Variants in SMC3 observed in about 807,000 individuals in gnomAD.
SMC3 encodes the protein structural maintenance of chromosomes 3.
SMC3 carries 20 observed loss-of-function variants against 171.8 expected under a neutral mutation model. The observed-to-expected ratio is 0.12, with a 90% CI of 0.08 to 0.17. The LOEUF (loss-of-function observed/expected upper bound fraction) is 0.17. Ranked by LOEUF, SMC3 falls within the 10% of genes least tolerant of loss-of-function variation. The pLI, the probability that SMC3 is intolerant of heterozygous loss-of-function variation, is 1.00. For synonymous variants in SMC3, 464 were observed against 451.1 expected (o/e 1.03, Z -0.36); for missense variants, 543 against 1,420.4 (o/e 0.38, Z 9.93).
chr10:110,573,756 CT>C lies in SMC3; in HGVS notation c.130+16del. ...GTAACTTTTTTTATGGTAGGTGTTG[CT>C]TTTTGAATTGTAAATATATTAAGAC... On this transcript the variant is annotated intron_variant, in intron 3 of 28. Coordinates refer to ENST00000361804, the MANE Select transcript of SMC3 (RefSeq NM_005445.4). 6.4e-7 allele frequency: 1 copy of C among 1,564,224 alleles called. No individual in the cohort carries two copies. Among genetic ancestry groups the C allele is most frequent in the Non-Finnish European group, 8.8e-7 (1 of 1,135,604 alleles).
intron 25 of SMC3, 106 bp downstream of exon 25, chr10:110,602,284 CT>C: frequency 9.1e-7 from 1 of 1,096,584 alleles, no homozygotes; most frequent in Non-Finnish European, 1.4e-6. Flanking sequence ...CCAGGTGAAT[CT>C]AATACATGTG....
chr10:110,577,875 C>T lies in SMC3; in HGVS notation c.311C>T (p.Ala104Val). 6.2e-7 allele frequency: 1 copy of T among 1,612,770 alleles called. No individual in the cohort carries two copies. Among genetic ancestry groups the T allele is most frequent in the Non-Finnish European group, 8.5e-7 (1 of 1,179,102 alleles). ...EEVSLRRVIG[A>V]KKDQYFLDKK... ...GTTTCACTTCGAAGAGTTATTGGTG[C>T]CAAAAAGGATCAGTATTTCTTAGAC... Residue 104 changes from alanine (A) to valine (V), a missense_variant, in exon 6 of 29, where the codon GCC becomes GTC. Around this residue, in one of 8 missense-constraint regions of SMC3, gnomAD observed 146 missense variants for 437.9 expected, o/e 0.33. Transcript: ENST00000361804.
chr10:110,578,497 TGAG>T (rs923666929), intron 6 of SMC3, 128 bp from the exon 7 acceptor site: 10 of 679,074 alleles, frequency 1.5e-5, no homozygotes, highest in Admixed American at 2.4e-5. Flanking sequence ...CAGAAAGTTC[TGAG>T]GATGATACAG....
chr10:110,580,520 T>TA (rs1253911348), intron 7 of SMC3, among the ~76,000 whole-genome samples: 3 of 152,200 alleles, frequency 2.0e-5, no homozygotes, highest in African/African-American at 7.2e-5. Context: ...AAAGGAGACA[T>TA]AGATATGTAG....
chr10:110,599,552 T>C (rs1267670033), intron 20 of SMC3, 102 bp from the exon 21 acceptor site: 19 of 997,866 alleles, frequency 1.9e-5, no homozygotes, highest in South Asian at 1.4e-4. Context: ...TGAGTTGATA[T>C]GTCTATATAT....
intron 3 of SMC3, among the ~76,000 whole-genome samples, chr10:110,574,387 G>A (rs1860916590): frequency 6.6e-6 from 1 of 152,180 alleles, no homozygotes; most frequent in Admixed American, 6.5e-5. Flanking sequence ...AAATTAGACA[G>A]TTAAGGAGTA....
chr10:110,575,142 T>C (rs1053035524), intron 3 of SMC3, among the ~76,000 whole-genome samples, 194 bp from the exon 4 acceptor site: 1 of 152,204 alleles, frequency 6.6e-6, no homozygotes, highest in African/African-American at 2.4e-5. Context: ...TCAGTATTTT[T>C]CTTATATCAT....
chr10:110,576,160 A>G, intron 4 of SMC3, among the ~76,000 whole-genome samples: 1 of 152,224 alleles, frequency 6.6e-6, no homozygotes, highest in Non-Finnish European at 1.5e-5. Flanking sequence ...CTGTTTTATA[A>G]TAAAGTGTTG....
At chr10:110,569,149 TTCTG>T in intron 2 of SMC3, 136 bp downstream of exon 2, 1 of 691,770 alleles carries the variant, frequency 1.4e-6, no homozygotes, top group Non-Finnish European at 2.6e-6. Flanking sequence ...GAAATAACTT[TTCTG>T]TCTTATTGCA....
At chr10:110,577,269 A>G in intron 4 of SMC3, 152 bp from the exon 5 acceptor site, 1 of 657,908 alleles carries the variant, frequency 1.5e-6, no homozygotes, top group South Asian at 1.8e-5. Flanking sequence ...AAGAGCAGAG[A>G]CGTTAGATTA....
intron 20 of SMC3, among the ~76,000 whole-genome samples, chr10:110,598,567 C>T (rs576037835): frequency 2.0e-5 from 3 of 152,140 alleles, no homozygotes; most frequent in East Asian, 1.9e-4. Flanking sequence ...CCACCACATC[C>T]GGCTAATTTT....
intron 16 of SMC3, among the ~76,000 whole-genome samples, chr10:110,590,785 G>T (rs1861194140): frequency 6.6e-6 from 1 of 152,050 alleles, no homozygotes; most frequent in Non-Finnish European, 1.5e-5. Flanking sequence ...CCCGCCATTG[G>T]AATTTTTAAA....
intron 15 of SMC3, 41 bp from the exon 16 acceptor site, chr10:110,590,371 A>T: frequency 6.5e-7 from 1 of 1,542,832 alleles, no homozygotes; most frequent in Non-Finnish European, 9.0e-7. Context: ...AGTGCCATTG[A>T]TGATATTATT....
intron 13 of SMC3, among the ~76,000 whole-genome samples, chr10:110,588,680 G>A (rs1564791807): frequency 6.6e-6 from 1 of 152,154 alleles, no homozygotes; most frequent in African/African-American, 2.4e-5. Flanking sequence ...TGAAGTGTCA[G>A]CTTCCTTAAA....
chr10:110,581,756 A>G (rs1259318556), intron 8 of SMC3, among the ~76,000 whole-genome samples, 167 bp from the exon 9 acceptor site: 1 of 152,236 alleles, frequency 6.6e-6, no homozygotes, highest in Non-Finnish European at 1.5e-5. Flanking sequence ...AACCTCTGGC[A>G]TAAATGGGTT....
At chr10:110,581,082 T>C in intron 8 of SMC3, 61 bp downstream of exon 8, 1 of 894,598 alleles carries the variant, frequency 1.1e-6, no homozygotes, top group South Asian at 1.3e-5. Flanking sequence ...TGTGACAGAG[T>C]GGCTCCATGA....
intron 20 of SMC3, among the ~76,000 whole-genome samples, chr10:110,598,932 G>A (rs994857635): frequency 2.0e-5 from 3 of 151,744 alleles, no homozygotes; most frequent in Non-Finnish European, 4.4e-5. Context: ...TGTCCAGATT[G>A]TATTAAAATT....
intron 17 of SMC3, among the ~76,000 whole-genome samples, chr10:110,592,013 C>T (rs117837527): frequency 0.011 from 1,602 of 152,146 alleles, 26 homozygotes; most frequent in Admixed American, 0.045. Flanking sequence ...CCTGTAATCC[C>T]CTCACTTTGG....
intron 28 of SMC3, 126 bp from the exon 29 acceptor site, chr10:110,604,105 A>C (rs1032738184): frequency 1.5e-4 from 76 of 511,932 alleles, no homozygotes; most frequent in South Asian, 6.9e-4. Flanking sequence ...AAAAAAAAAA[A>C]AAAAAAAAAA....
Sources: allele counts gnomAD v4.1 joint callset (sites outside exome capture counted in the v4.1 genomes callset), GRCh38; gene constraint gnomAD v4.1.1; regional missense constraint gnomAD v4.1.1; transcripts MANE v1.5; gene names NCBI Gene and HGNC (gene_info 2026-07-23, HGNC 2026-07-21).